ATP13A1: variants seen among roughly 807,000 people sequenced by gnomAD.
ATP13A1 encodes the protein ATPase 13A1, also known as endoplasmic reticulum transmembrane helix translocase.
Under a neutral mutation model 134.8 loss-of-function variants are expected in ATP13A1, and 55 were observed. That is an observed-to-expected ratio of 0.41 (90% CI 0.33 to 0.51). ATP13A1 has a LOEUF of 0.51. Ranked by LOEUF, ATP13A1 falls within the 20% of genes least tolerant of loss-of-function variation. ATP13A1 has a pLI of 0.29. For missense variants in ATP13A1, 1,389 were observed against 1,652.8 expected (o/e 0.84, Z 2.77); for synonymous variants, 775 against 725.1 (o/e 1.07, Z -1.10).
rs377319689 is a variant in ATP13A1, at chr19:19,661,655, C to A, written c.396+1616G>T. Among the ~76,000 whole-genome samples the A allele has an allele frequency of 1.1e-4, 17 of 152,312 alleles. No individual in the cohort carries two copies. The East Asian group carries it at 2.7e-3, about 24-fold the overall frequency. Reference sequence around the variant, plus strand: ...TTTGTTCACTGCTGTTTCCCCAGCACCTAAGACACAGAAATGTTGAATGGA... The same window carrying A: ...TTTGTTCACTGCTGTTTCCCCAGCAACTAAGACACAGAAATGTTGAATGGA... On this transcript the variant is annotated intron_variant, in intron 1 of 25. Coordinates refer to ENST00000357324, the MANE Select transcript of ATP13A1 (RefSeq NM_020410.3).
rs1297686310 is a variant in ATP13A1 at position 19,655,861 on chromosome 19, C to T, written c.1269+17G>A. 8.3e-6 allele frequency: 13 copies of T among 1,572,644 alleles called. No individual in the cohort carries two copies. The highest frequency in any genetic ancestry group is 1.1e-5 in the Non-Finnish European group (13 of 1,164,834). On this transcript the variant is annotated intron_variant, in intron 9 of 25. Transcript: ENST00000357324. The surrounding 1 kb of genome is among the most constrained non-coding windows in gnomAD (Gnocchi z 5.7). ...CAACTGCCCTGGGGCCCGCCCTCCC[C>T]AGACCTGGCCCCGCACCTGGGATGT...
chr19:19,656,960 G>A lies in ATP13A1; in HGVS notation c.906+34C>T. On this transcript the variant is annotated intron_variant, in intron 5 of 25. Transcript: ENST00000357324. This position sits in a 1 kb window ranked among gnomAD's most constrained non-coding sequence, Gnocchi z 4.6. Reference sequence around the variant, plus strand: ...TCAGCACAGAAGCCGCACCTGTGCTGCACCCCCAACCTGGGTCTCCCTGGC... The same window carrying A: ...TCAGCACAGAAGCCGCACCTGTGCTACACCCCCAACCTGGGTCTCCCTGGC... 1.2e-6 allele frequency: 2 copies of A among 1,605,004 alleles called. No homozygotes were observed. The highest frequency in any genetic ancestry group is 1.7e-6 in the Non-Finnish European group (2 of 1,176,116).
chr19:19,653,886 C>G lies in ATP13A1; in HGVS notation c.1998G>C (p.Gln666His), dbSNP rs759710123. The change falls in exon 15 of 26, where the codon CAG becomes CAC. Residue 666 changes from glutamine to histidine, a missense_variant. Around this residue, in one of 4 missense-constraint regions of ATP13A1, gnomAD observed 747 missense variants for 956.1 expected, o/e 0.78. Transcript: ENST00000357324. The surrounding 1 kb of genome is among the most constrained non-coding windows in gnomAD (Gnocchi z 4.2). ...APETLHSMFS[Q>H]CPPDYHHIHT... ...GGATGTGGTGGTAGTCGGGCGGGCA[C>G]TGGGAGAACTGCAGGGAATGCAGGG... 8.3e-6 allele frequency: 13 copies of G among 1,567,226 alleles called. No individual in the cohort carries two copies. Among genetic ancestry groups the G allele is most frequent in the Admixed American group, 5.7e-5 (3 of 52,446 alleles).
intron 3 of ATP13A1, 53 bp downstream of exon 3, chr19:19,659,548 G>A (rs758431762): frequency 1.8e-5 from 27 of 1,494,796 alleles, no homozygotes; most frequent in Non-Finnish European, 2.5e-5. Flanking sequence ...CCCTGAATCA[G>A]GAGGGGAGCA....
chr19:19,659,649 T>C lies in ATP13A1; in HGVS notation c.629A>G (p.Gln210Arg), dbSNP rs755906081. 4.3e-6 allele frequency: 7 copies of C among 1,613,886 alleles called. No individual in the cohort carries two copies. Among genetic ancestry groups the C allele is most frequent in the East Asian group, 2.2e-5 (1 of 44,878 alleles). Residue 210 changes from glutamine to arginine, a missense_variant, in exon 3 of 26, where the codon CAG (glutamine) becomes CGG (arginine). Gln to Arg is a conservative substitution (Grantham distance 43). This residue lies in a region of ATP13A1 where 747 missense variants were observed against 956.1 expected (regional missense o/e 0.78). Transcript: ENST00000357324. The part of the protein sequence containing the change: ...FSYYQSNRGF[Q>R]EDSEIRAAEK... ...AGCTGCTCGGATCTCTGAGTCTTCC[T>C]GGAAGCCTCTGTTGCTCTGATAGTA...
At position 19,656,642 on chromosome 19, in the gene ATP13A1, C is replaced by T; in HGVS notation, c.1083+18G>A. On this transcript the variant is annotated intron_variant, in intron 7 of 25. Transcript: ENST00000357324. The surrounding 1 kb of genome is among the most constrained non-coding windows in gnomAD (Gnocchi z 4.6). The stretch of plus-strand genomic sequence containing the variant: ...TTCCTCCTGAACAGCTTGAGGATCC[C>T]CATCCTCCACCAAGTACCTTCATCT... 6.2e-7 allele frequency: 1 copy of T among 1,608,388 alleles called. No homozygotes were observed. Among genetic ancestry groups the T allele is most frequent in the Admixed American group, 1.7e-5 (1 of 59,344 alleles).
rs753139783 is a variant in ATP13A1, at chr19:19,663,361, G to A, written c.306C>T (p.Leu102=). Residue 102 remains leucine (L), a synonymous_variant, in exon 1 of 26, where the codon CTC becomes CTT. Transcript: ENST00000357324. ...SWVQIPEAAL[L]VLATICLAHA... ...GCGCGAGGCAGATGGTGGCAAGCACGAGCAGCGCAGCTTCGGGGATCTGCA... is the reference window on the plus strand; with the variant it reads ...GCGCGAGGCAGATGGTGGCAAGCACAAGCAGCGCAGCTTCGGGGATCTGCA... 14 of 1,591,216 alleles carry A rather than the reference G, an allele frequency of 8.8e-6. No homozygotes were observed. Among genetic ancestry groups the A allele is most frequent in the East Asian group, 4.6e-5 (2 of 43,380 alleles).
At position 19,653,956 on chromosome 19, in the gene ATP13A1, G is replaced by A; in HGVS notation, c.1989+13C>T. Reference sequence around the variant, plus strand: ...GCGCCCCCACCCCTTGCCCCAGGCTGGGGCCAGCTCACCATGGAGTGCAGA... The same window carrying A: ...GCGCCCCCACCCCTTGCCCCAGGCTAGGGCCAGCTCACCATGGAGTGCAGA... On this transcript the variant is annotated intron_variant, in intron 14 of 25. Coordinates refer to ENST00000357324, the MANE Select transcript of ATP13A1 (RefSeq NM_020410.3). The surrounding 1 kb of genome is among the most constrained non-coding windows in gnomAD (Gnocchi z 4.2). The A allele has an allele frequency of 6.3e-7, 1 of 1,587,208 alleles. No individual in the cohort carries two copies. The highest frequency in any genetic ancestry group is 1.8e-5 in the Admixed American group (1 of 55,510).
intron 3 of ATP13A1, among the ~76,000 whole-genome samples, chr19:19,658,169 A>AAAAAG (rs1568429922): frequency 3.4e-4 from 51 of 150,374 alleles, no homozygotes; most frequent in African/African-American, 1.1e-3. Context: ...AAAAAAAAAA[A>AAAAAG]AAAAGGCTCG....
At position 19,646,328 on chromosome 19, in the gene ATP13A1, C is replaced by T. The variant is rs141747590; in HGVS notation, c.3125G>A (p.Arg1042Gln). 121 of 1,613,724 alleles carry T rather than the reference C, an allele frequency of 7.5e-5. No individual in the cohort carries two copies. Among genetic ancestry groups the T allele is most frequent in the Non-Finnish European group, 9.9e-5 (117 of 1,179,832 alleles). The change falls in exon 23 of 26, where the codon CGA becomes CAA. Residue 1042 changes from arginine (R) to glutamine (Q), a missense_variant. Arg to Gln is a conservative substitution (Grantham distance 43, BLOSUM62 1). Coordinates refer to ENST00000357324, the MANE Select transcript of ATP13A1 (RefSeq NM_020410.3). ...SRSKPLKTLSRERPLPNIFNL... is the reference protein window; with the variant it reads ...SRSKPLKTLSQERPLPNIFNL... ...GAAGATGTTGGGCAGGGGCCGTTCT[C>T]GGGAGAGGGTCTTGAGGGGCTGCAG...
Position 19,651,718 on chromosome 19 carries a change from G to A in ATP13A1, c.2306C>T (p.Thr769Met), listed in dbSNP as rs1394240621. 1.9e-6 allele frequency: 3 copies of A among 1,613,366 alleles called. No individual in the cohort carries two copies. The highest frequency in any genetic ancestry group is 2.5e-6 in the Non-Finnish European group (3 of 1,179,646). ...CTCGGAGGGAGGCTGCAGGATCAGCGTGTGGGCCTTTTCAATGAAGTGCAG... is the reference window on the plus strand; with the variant it reads ...CTCGGAGGGAGGCTGCAGGATCAGCATGTGGGCCTTTTCAATGAAGTGCAG... Reference protein sequence around the residue: ...QELHFIEKAHTLILQPPSEKG... With the variant: ...QELHFIEKAHMLILQPPSEKG... Residue 769 changes from threonine to methionine, a missense_variant, in exon 17 of 26, where the codon ACG becomes ATG. Thr to Met is a moderately conservative substitution (Grantham distance 81). Transcript: ENST00000357324.
chr19:19,654,019 G>A lies in ATP13A1; in HGVS notation c.1939C>T (p.Leu647Phe), dbSNP rs922583728. Reference sequence around the variant, plus strand: ...CCCTTCACGGCCGCGATGTAGCAGAGGTCGGTGGAGCCCAGCTTCTCATAC... The same window carrying A: ...CCCTTCACGGCCGCGATGTAGCAGAAGTCGGTGGAGCCCAGCTTCTCATAC... ...ASYEKLGSTD[L>F]CYIAAVKGAP... The change falls in exon 14 of 26, where the codon CTC (leucine) becomes TTC (phenylalanine). Residue 647 changes from leucine to phenylalanine, a missense_variant. Physicochemically the swap from Leu to Phe is conservative, Grantham distance 22. This residue lies in a region of ATP13A1 where 747 missense variants were observed against 956.1 expected (regional missense o/e 0.78). Coordinates refer to ENST00000357324, the MANE Select transcript of ATP13A1 (RefSeq NM_020410.3). The A allele has an allele frequency of 6.3e-7, 1 of 1,598,826 alleles. No individual in the cohort carries two copies. The highest frequency in any genetic ancestry group is 1.3e-5 in the African/African-American group (1 of 74,706).
chr19:19,657,038 T>G lies in ATP13A1; in HGVS notation c.862A>C (p.Met288Leu). 6.4e-7 allele frequency: 1 copy of G among 1,573,334 alleles called. No individual in the cohort carries two copies. Among genetic ancestry groups the G allele is most frequent in the Non-Finnish European group, 8.6e-7 (1 of 1,159,216 alleles). Residue 288 changes from methionine to leucine, a missense_variant, in exon 5 of 26, where the codon ATG becomes CTG. Met to Leu is a conservative substitution (Grantham distance 15). Coordinates refer to ENST00000357324, the MANE Select transcript of ATP13A1 (RefSeq NM_020410.3). Reference protein sequence around the residue: ...ASLVQQQMRNMSEIRKMGNKP... With the variant: ...ASLVQQQMRNLSEIRKMGNKP... ...TTGCCCATCTTCCGGATCTCCGACA[T>G]GTTCCGCATCTGCTGCTGCACCAGC...
chr19:19,656,189 G>C lies in ATP13A1; in HGVS notation c.1084-6C>G. The C allele has an allele frequency of 6.3e-7, 1 of 1,594,750 alleles. No individual in the cohort carries two copies. Among genetic ancestry groups the C allele is most frequent in the Non-Finnish European group, 8.6e-7 (1 of 1,168,722 alleles). On this transcript the variant is annotated splice_region_variant and splice_polypyrimidine_tract_variant and intron_variant, in intron 7 of 25. Transcript: ENST00000357324. This position sits in a 1 kb window ranked among gnomAD's most constrained non-coding sequence, Gnocchi z 4.6. ...CTGAGGTCTTCGATGGGCTCCTGGG[G>C]AGGAAGATCGTGAATCTGGATGGCC...
chr19:19,658,135 T>TAAGA (rs1215549234), intron 3 of ATP13A1, among the ~76,000 whole-genome samples: 1 of 101,554 alleles, frequency 9.8e-6, no homozygotes, highest in Admixed American at 1.5e-4. Flanking sequence ...GGTAACAGAG[T>TAAGA]AAGACCCTGT....
chr19:19,656,033 A>C lies in ATP13A1; in HGVS notation c.1213+21T>G. 1.2e-6 allele frequency: 2 copies of C among 1,613,382 alleles called. No homozygotes were observed. Among genetic ancestry groups the C allele is most frequent in the Non-Finnish European group, 1.7e-6 (2 of 1,179,656 alleles). On this transcript the variant is annotated intron_variant, in intron 8 of 25. Coordinates refer to ENST00000357324, the MANE Select transcript of ATP13A1 (RefSeq NM_020410.3). The surrounding 1 kb of genome is among the most constrained non-coding windows in gnomAD (Gnocchi z 4.6). The stretch of plus-strand genomic sequence containing the variant: ...AGGGGGTGGAAGCCCAGATACCCCC[A>C]GACGCCCATGAGGCACCTACGCTTC...
Position 19,653,933 on chromosome 19 carries a change from G to A in ATP13A1, c.1989+36C>T, listed in dbSNP as rs1382828723. 5 of 1,573,528 alleles carry A rather than the reference G, an allele frequency of 3.2e-6. No individual in the cohort carries two copies. Among genetic ancestry groups the A allele is most frequent in the East Asian group, 2.3e-5 (1 of 42,592 alleles). ...AGGGGGATGTCACGGGCTGCCCCGC[G>A]CCCCCACCCCTTGCCCCAGGCTGGG... On this transcript the variant is annotated intron_variant, in intron 14 of 25. Coordinates refer to ENST00000357324, the MANE Select transcript of ATP13A1 (RefSeq NM_020410.3). This position sits in a 1 kb window ranked among gnomAD's most constrained non-coding sequence, Gnocchi z 4.2.
At chr19:19,654,777 C>A in intron 12 of ATP13A1, 77 bp from the exon 13 acceptor site, 3 of 1,498,054 alleles carry the variant, frequency 2.0e-6, no homozygotes, top group East Asian at 2.3e-5. Flanking sequence ...CAGAAGGACC[C>A]CCAAGGCCAT....
Position 19,655,303 on chromosome 19 carries a change from T to A in ATP13A1, c.1534+13A>T. 6.2e-7 allele frequency: 1 copy of A among 1,613,898 alleles called. No individual in the cohort carries two copies. On this transcript the variant is annotated intron_variant, in intron 11 of 25. Coordinates refer to ENST00000357324, the MANE Select transcript of ATP13A1 (RefSeq NM_020410.3). This position sits in a 1 kb window ranked among gnomAD's most constrained non-coding sequence, Gnocchi z 5.7. ...CAGCCCACTCGGCACCCCATCCCAT[T>A]TGACACACTCACAGAGCTTGGCCAG...
Sources: allele counts gnomAD v4.1 joint callset (sites outside exome capture counted in the v4.1 genomes callset), GRCh38; gene constraint gnomAD v4.1.1; regional missense constraint gnomAD v4.1.1; non-coding constraint Gnocchi (gnomAD v3.1); transcripts MANE v1.5; gene names NCBI Gene and HGNC (gene_info 2026-07-23, HGNC 2026-07-21).